Variants in NRXN3 observed in about 807,000 individuals in gnomAD.
NRXN3 encodes neurexin III.
NRXN3 carries 32 observed loss-of-function variants against 137.6 expected under a neutral mutation model. The observed-to-expected ratio is 0.23, with a 90% confidence interval of 0.18 to 0.31. NRXN3 has a LOEUF of 0.31. NRXN3 is among the 10% of genes least tolerant of loss of function. The probability of loss-of-function intolerance (pLI) is 1.00; values close to 1 mark genes in which losing one functional copy is unlikely to be tolerated. For missense variants in NRXN3, 1,574 were observed against 2,062.5 expected (o/e 0.76, Z 4.59); for synonymous variants, 798 against 784.5 (o/e 1.02, Z -0.29).
chr14:78,172,184 T>C (rs1339901176), intron 1 of NRXN3, among the ~76,000 whole-genome samples: 1 of 152,120 alleles, frequency 6.6e-6, no homozygotes, highest in Non-Finnish European at 1.5e-5. Context: ...CGTTTGCCTT[T>C]GTGATGAAGG....
At position 78,479,612 on chromosome 14, in the gene NRXN3, TC is replaced by T. The variant is rs2095439109; in HGVS notation, c.758-165506del. Among the ~76,000 whole-genome samples the T allele has an allele frequency of 3.9e-5, 6 of 152,354 alleles. No individual in the cohort carries two copies. In the South Asian group the frequency reaches 1.2e-3, roughly 32 times the overall value. On this transcript the variant is annotated intron_variant, in intron 4 of 20. Coordinates refer to ENST00000335750, the MANE Select transcript of NRXN3 (RefSeq NM_001330195.2). ...TCCCTAAACTCACTGAATTAGAATG[TC>T]CAGGAATTTGCAATTTTAAATGAGC...
chr14:78,535,425 A>T (rs189449118), intron 4 of NRXN3, among the ~76,000 whole-genome samples: 380 of 152,322 alleles, frequency 2.5e-3, no homozygotes, highest in African/African-American at 8.8e-3. Flanking sequence ...AAAGGATAGA[A>T]CTTTGGTGTT....
intron 16 of NRXN3, among the ~76,000 whole-genome samples, chr14:79,508,711 T>C (rs2096903855): frequency 6.6e-6 from 1 of 151,966 alleles, no homozygotes; most frequent in African/African-American, 2.4e-5. Context: ...AACTGATTTT[T>C]TAAAGAAACA....
At chr14:79,277,888 T>G (rs1007114902) in intron 15 of NRXN3, among the ~76,000 whole-genome samples, 1 of 152,174 alleles carries the variant, frequency 6.6e-6, no homozygotes, top group Non-Finnish European at 1.5e-5. Context: ...AGCTTGAAGC[T>G]TTTGGAGGAC....
chr14:78,937,300 TA>T (rs1310232451), intron 10 of NRXN3, among the ~76,000 whole-genome samples: 1 of 152,188 alleles, frequency 6.6e-6, no homozygotes, highest in Non-Finnish European at 1.5e-5. Context: ...TACCTAAACT[TA>T]TTCAGGCAGT....
intron 6 of NRXN3, among the ~76,000 whole-genome samples, chr14:78,678,076 G>C: frequency 6.6e-6 from 1 of 152,052 alleles, no homozygotes; most frequent in East Asian, 1.9e-4. Flanking sequence ...TATTGTGATA[G>C]TCTCTTTATT....
chr14:79,565,336 T>TGTGTGTGTGTATATATATACAC (rs2097540759), intron 16 of NRXN3, among the ~76,000 whole-genome samples: 1 of 108,694 alleles, frequency 9.2e-6, no homozygotes, highest in Admixed American at 8.7e-5. Flanking sequence ...TATATATATA[T>TGTGTGTGTGTATATATATACAC]ACATATGTGT....
chr14:78,798,858 A>G (rs892375087), intron 8 of NRXN3, among the ~76,000 whole-genome samples: 67 of 152,198 alleles, frequency 4.4e-4, no homozygotes, highest in African/African-American at 1.5e-3. Flanking sequence ...CCTGAGCTCT[A>G]CCTTGGCCCC....
At chr14:79,577,218 T>A (rs1397309055) in intron 16 of NRXN3, among the ~76,000 whole-genome samples, 3 of 152,198 alleles carry the variant, frequency 2.0e-5, no homozygotes, top group African/African-American at 7.2e-5. Flanking sequence ...AACCTGTTTT[T>A]CTTTATCAAT....
chr14:78,978,601 T>C (rs1465487819), intron 14 of NRXN3, among the ~76,000 whole-genome samples: 1 of 151,528 alleles, frequency 6.6e-6, no homozygotes, highest in East Asian at 1.9e-4. Flanking sequence ...GTCCAAGACA[T>C]ATATTCAGCT....
chr14:78,537,271 G>A (rs1201339340), intron 4 of NRXN3, among the ~76,000 whole-genome samples: 1 of 152,122 alleles, frequency 6.6e-6, no homozygotes, highest in Non-Finnish European at 1.5e-5. Flanking sequence ...AGCATCTTTT[G>A]TTTCCTGACT....
chr14:78,297,813 CCT>C lies in NRXN3; in HGVS notation c.728-17_728-16del. 1 of 1,526,254 alleles carries C rather than the reference CCT, an allele frequency of 6.6e-7. No homozygotes were observed. Among genetic ancestry groups the C allele is most frequent in the South Asian group, 1.2e-5 (1 of 83,840 alleles). The allele number at this position is 1,526,254 out of a possible 1,614,324, so 94.5% of individuals were successfully genotyped here. On this transcript the variant is annotated splice_polypyrimidine_tract_variant and intron_variant, in intron 3 of 20. Coordinates refer to ENST00000335750, the MANE Select transcript of NRXN3 (RefSeq NM_001330195.2). ...CTTCCCCACTCCTCTTCCCTTTCTC[CCT>C]GTTTCTCTTCCTCAGGCCTCTCCCA...
At chr14:79,813,268 C>T (rs1477168511) in intron 20 of NRXN3, among the ~76,000 whole-genome samples, 1 of 151,960 alleles carries the variant, frequency 6.6e-6, no homozygotes, top group Admixed American at 6.6e-5. Context: ...CTCCATAATT[C>T]AGTTATCCTT....
chr14:79,657,413 T>G (rs2098511613), intron 16 of NRXN3, among the ~76,000 whole-genome samples: 2 of 152,184 alleles, frequency 1.3e-5, no homozygotes, highest in South Asian at 4.1e-4. Flanking sequence ...TCATGGACTT[T>G]GAAAGATCTT....
intron 15 of NRXN3, among the ~76,000 whole-genome samples, chr14:79,215,944 C>A (rs1002815892): frequency 6.6e-6 from 1 of 152,164 alleles, no homozygotes; most frequent in African/African-American, 2.4e-5. Flanking sequence ...TGCTGTGTCA[C>A]AGACCACTCC....
chr14:78,930,257 G>T (rs2099317883), intron 10 of NRXN3, among the ~76,000 whole-genome samples: 1 of 152,176 alleles, frequency 6.6e-6, no homozygotes. Flanking sequence ...CAGATGGTCT[G>T]ATAAGGACGC....
chr14:78,818,490 G>A (rs1267802767), intron 10 of NRXN3, among the ~76,000 whole-genome samples: 3 of 152,060 alleles, frequency 2.0e-5, no homozygotes, highest in African/African-American at 4.8e-5. Flanking sequence ...TAACCAAGGA[G>A]TGAATTTGTC....
chr14:78,355,344 T>C (rs1452993166), intron 4 of NRXN3, among the ~76,000 whole-genome samples: 2 of 51,952 alleles, frequency 3.8e-5, no homozygotes, highest in African/African-American at 1.3e-4. Context: ...GCTCTAACCA[T>C]ATTGACTTTT....
At chr14:78,726,078 C>T (rs1176668601) in intron 8 of NRXN3, among the ~76,000 whole-genome samples, 1 of 152,168 alleles carries the variant, frequency 6.6e-6, no homozygotes, top group African/African-American at 2.4e-5. Flanking sequence ...AACAAGGATT[C>T]TCACCTCTTC....
Sources: allele counts gnomAD v4.1 joint callset (sites outside exome capture counted in the v4.1 genomes callset), GRCh38; gene constraint gnomAD v4.1.1; transcripts MANE v1.5; gene names NCBI Gene and HGNC (gene_info 2026-07-23, HGNC 2026-07-21).